The following ADD1 variants were observed in gnomAD, a reference collection of about 807,000 sequenced individuals.
ADD1 encodes alpha-adducin.
Under a neutral mutation model 80.5 loss-of-function variants are expected in ADD1, and 24 were observed. That is an observed-to-expected ratio of 0.30 (90% confidence interval 0.22 to 0.42). ADD1 has a LOEUF of 0.42. Ranked by LOEUF, ADD1 falls within the 10% of genes least tolerant of loss-of-function variation. The pLI, the probability that ADD1 is intolerant of heterozygous loss-of-function variation, is 1.00. For synonymous variants in ADD1, 373 were observed against 393.8 expected, an observed-to-expected ratio of 0.95 and a Z score of 0.63; for missense variants, 948 against 1,019.0, an observed-to-expected ratio of 0.93 and a Z score of 0.95.
chr4:2,928,707 C>T lies in ADD1; in HGVS notation c.*184C>T. 1 of 587,928 alleles carries T rather than the reference C, an allele frequency of 1.7e-6. No homozygotes were observed. Among genetic ancestry groups the T allele is most frequent in the Non-Finnish European group, 2.9e-6 (1 of 342,916 alleles). 36.4% of individuals were successfully genotyped at this position (587,928 alleles called of 1,614,324 possible). On this transcript the variant is annotated 3_prime_UTR_variant, in exon 16 of 16. Coordinates refer to ENST00000683351, the MANE Select transcript of ADD1 (RefSeq NM_001354761.2). ...CCCAGTGTGTGCTCAGCAGCCCCAC[C>T]CCACCCTGCCCCTTGTCCTCTCAGA...
intron 13 of ADD1, among the ~76,000 whole-genome samples, chr4:2,912,098 A>G (rs2109106877): frequency 6.6e-6 from 1 of 152,354 alleles, no homozygotes; most frequent in East Asian, 1.9e-4. Context: ...TGCAGGTTGC[A>G]CAGCCTCGGG....
rs533414485 is a variant in ADD1 at position 2,909,769 on chromosome 4, A to C, written c.1791+338A>C. 2.0e-5 allele frequency among the ~76,000 whole-genome samples: 3 copies of C among 152,122 alleles called. No homozygotes were observed. In the South Asian group the frequency reaches 6.2e-4, roughly 32 times the overall value. On this transcript the variant is annotated intron_variant, in intron 13 of 15. Transcript: ENST00000683351. Reference sequence around the variant, plus strand: ...TTGCCTTTTCCATGACTCTGACTGCAGACAGCCTCTTCTGGGCAGTCTGTT... The same window carrying C: ...TTGCCTTTTCCATGACTCTGACTGCCGACAGCCTCTTCTGGGCAGTCTGTT...
At chr4:2,895,795 G>C (rs1735094656) in intron 6 of ADD1, among the ~76,000 whole-genome samples, 2 of 152,134 alleles carry the variant, frequency 1.3e-5, no homozygotes, top group African/African-American at 4.8e-5. Context: ...TGAAAGCACA[G>C]TACTTGAGAA....
At chr4:2,927,730 A>T (rs1000186133) in intron 15 of ADD1, among the ~76,000 whole-genome samples, 1 of 152,192 alleles carries the variant, frequency 6.6e-6, no homozygotes, top group Non-Finnish European at 1.5e-5. Flanking sequence ...ACGATTTTCT[A>T]CTGGCTGTTT....
intron 1 of ADD1, among the ~76,000 whole-genome samples, chr4:2,848,635 ATT>A (rs397823169): frequency 1.1e-4 from 16 of 142,126 alleles, no homozygotes; most frequent in East Asian, 4.1e-4. Context: ...GGCTTGGCTA[ATT>A]TTTTTTTTTT....
intron 1 of ADD1, among the ~76,000 whole-genome samples, chr4:2,863,721 T>TG (rs144910973): frequency 0.21 from 32,534 of 152,026 alleles, 4,233 homozygotes; most frequent in Non-Finnish European, 0.28. Context: ...ACCTTGTTTT[T>TG]TTTTGTTTTG....
intron 1 of ADD1, chr4:2,844,641 T>C (rs912711208): frequency 1.3e-5 from 2 of 152,242 alleles, no homozygotes; most frequent in African/African-American, 4.8e-5. Flanking sequence ...ATGACTTTTA[T>C]CTTTGCTCTT....
chr4:2,880,319 T>C (rs1732041820), intron 2 of ADD1, among the ~76,000 whole-genome samples: 1 of 152,118 alleles, frequency 6.6e-6, no homozygotes, highest in Non-Finnish European at 1.5e-5. Flanking sequence ...ACTCTTAGAC[T>C]GTCCCTTGGC....
In ADD1 at chr4:2,899,655, C is replaced by T. The variant is rs954918872; in HGVS notation, c.1161+220C>T. The T allele has an allele frequency of 6.8e-6, 4 of 585,782 alleles. No individual in the cohort carries two copies. In the African/African-American group the frequency reaches 7.4e-5, roughly 11 times the overall value. The allele number at this position is 585,782 out of a possible 1,614,324, so 36.3% of individuals were successfully genotyped here. Reference sequence around the variant, plus strand: ...TATTGTTTTATTTTTTAAAGATAACCTTGTGTTTGGACTCAGTGGGGACAA... The same window carrying T: ...TATTGTTTTATTTTTTAAAGATAACTTTGTGTTTGGACTCAGTGGGGACAA... On this transcript the variant is annotated intron_variant, in intron 9 of 15. Transcript: ENST00000683351.
intron 1 of ADD1, 42 bp from the exon 2 acceptor site, chr4:2,875,854 A>G: frequency 1.4e-6 from 2 of 1,461,610 alleles, no homozygotes; most frequent in South Asian, 2.8e-5. Context: ...ACTGTTAGAC[A>G]TTGATTTGAA....
intron 9 of ADD1, chr4:2,899,843 G>A (rs946184161): frequency 6.1e-6 from 2 of 327,206 alleles, no homozygotes; most frequent in Admixed American, 9.1e-5. Flanking sequence ...TGATGACTGT[G>A]TTCCATGGGT....
At chr4:2,857,134 G>C (rs1728202085) in intron 1 of ADD1, among the ~76,000 whole-genome samples, 1 of 150,842 alleles carries the variant, frequency 6.6e-6, no homozygotes, top group Non-Finnish European at 1.5e-5. Flanking sequence ...GGCTGGTCTT[G>C]AACTCCTGAC....
intron 2 of ADD1, 65 bp downstream of exon 2, chr4:2,876,175 T>C: frequency 5.4e-6 from 8 of 1,489,708 alleles, no homozygotes; most frequent in Non-Finnish European, 7.3e-6. Flanking sequence ...TCAGGTCTTA[T>C]GCCCTGTTGT....
At position 2,914,951 on chromosome 4, in the gene ADD1, C is replaced by T; in HGVS notation, c.1859C>T (p.Thr620Ile). 1 of 1,614,170 alleles carries T rather than the reference C, an allele frequency of 6.2e-7. No individual in the cohort carries two copies. The highest frequency in any genetic ancestry group is 8.5e-7 in the Non-Finnish European group (1 of 1,180,008). ...KEYQPHVIVSTTGPNPFTTLT... is the reference protein window; with the variant it reads ...KEYQPHVIVSITGPNPFTTLT... The stretch of plus-strand genomic sequence containing the variant: ...TACCAGCCCCACGTCATTGTGAGCA[C>T]CACGGGCCCCAACCCCTTCACCACA... The change falls in exon 14 of 16, where the codon ACC becomes ATC. Residue 620 changes from threonine to isoleucine, a missense_variant. Physicochemically the swap from Thr to Ile is moderately conservative, Grantham distance 89. Coordinates refer to ENST00000683351, the MANE Select transcript of ADD1 (RefSeq NM_001354761.2).
intron 13 of ADD1, 135 bp from the exon 14 acceptor site, chr4:2,914,749 C>A: frequency 8.0e-6 from 8 of 994,592 alleles, no homozygotes; most frequent in Non-Finnish European, 1.2e-5. Context: ...GGCCTCGGGC[C>A]CATGGCAGTG....
chr4:2,902,512 G>A (rs1736354733), intron 9 of ADD1: 1 of 152,232 alleles, frequency 6.6e-6, no homozygotes, highest in Non-Finnish European at 1.5e-5. Context: ...GCCAAGGCAG[G>A]TGGATCACCT....
chr4:2,898,380 C>T (rs1411020099), intron 7 of ADD1, 53 bp downstream of exon 7: 16 of 1,613,784 alleles, frequency 9.9e-6, no homozygotes. Context: ...AAGAATAAAG[C>T]AAAGGACCAG....
chr4:2,851,655 A>ATCAAGTTAT (rs1416481971), intron 1 of ADD1, among the ~76,000 whole-genome samples: 1 of 152,226 alleles, frequency 6.6e-6, no homozygotes, highest in East Asian at 1.9e-4. Flanking sequence ...GATACCATTA[A>ATCAAGTTAT]TCAAGTTATT....
chr4:2,881,071 A>ATTTTTT (rs1286435318), intron 2 of ADD1, among the ~76,000 whole-genome samples: 5 of 77,140 alleles, frequency 6.5e-5, no homozygotes, highest in African/African-American at 2.4e-4. Context: ...TGATGTATTT[A>ATTTTTT]CTTTTTTTTT....
Sources: allele counts gnomAD v4.1 joint callset (sites outside exome capture counted in the v4.1 genomes callset), GRCh38; gene constraint gnomAD v4.1.1; transcripts MANE v1.5; gene names NCBI Gene and HGNC (gene_info 2026-07-23, HGNC 2026-07-21).